RPS6KC1: variants seen among roughly 807,000 people sequenced by gnomAD.
The protein encoded by RPS6KC1 is inactive ribosomal protein S6 kinase delta-1.
Under a neutral mutation model 103.8 loss-of-function variants are expected in RPS6KC1, and 54 were observed. The observed-to-expected ratio is 0.52, with a 90% CI of 0.42 to 0.65. The LOEUF (loss-of-function observed/expected upper bound fraction) is 0.65. Among genes scored for constraint, RPS6KC1 ranks in the 30% least tolerant of loss-of-function variants. The pLI, the probability that RPS6KC1 is intolerant of heterozygous loss-of-function variation, is 0.00. For missense variants in RPS6KC1, 1,151 were observed against 1,253.8 expected, an observed-to-expected ratio of 0.92 and a Z score of 1.24; for synonymous variants, 439 against 438.7, an observed-to-expected ratio of 1.00 and a Z score of -0.01.
chr1:213,567,131 AC>A, the RPS6KC1 span, among the ~76,000 whole-genome samples: 1 of 152,220 alleles, frequency 6.6e-6, no homozygotes, highest in African/African-American at 2.4e-5. Flanking sequence ...ATATGCATCT[AC>A]AGTAAAGTTG....
chr1:213,072,519 G>A (rs1461876507), intron 2 of RPS6KC1, among the ~76,000 whole-genome samples: 1 of 150,234 alleles, frequency 6.7e-6, no homozygotes, highest in Non-Finnish European at 1.5e-5. Flanking sequence ...CTGCACTCCA[G>A]CCTGAGCAAC....
At chr1:213,782,395 T>A in the RPS6KC1 span, among the ~76,000 whole-genome samples, 1 of 151,972 alleles carries the variant, frequency 6.6e-6, no homozygotes, top group African/African-American at 2.4e-5. Context: ...GTTGCCTCTG[T>A]TAACCTGGGT....
At chr1:213,674,194 T>C in the RPS6KC1 span, among the ~76,000 whole-genome samples, 13 of 152,302 alleles carry the variant, frequency 8.5e-5, no homozygotes, top group African/African-American at 2.6e-4. Context: ...ACTTTTTGTA[T>C]TTTTAGTGGA....
chr1:213,710,841 G>A, the RPS6KC1 span, among the ~76,000 whole-genome samples: 1 of 152,102 alleles, frequency 6.6e-6, no homozygotes. Flanking sequence ...TTGAAAATTG[G>A]CCCCCACTCT....
the RPS6KC1 span, among the ~76,000 whole-genome samples, chr1:213,848,986 G>T: frequency 6.6e-6 from 1 of 152,088 alleles, no homozygotes; most frequent in Non-Finnish European, 1.5e-5. Context: ...GTCATTACTG[G>T]GCTGGCCACA....
the RPS6KC1 span, among the ~76,000 whole-genome samples, chr1:213,356,864 T>G: frequency 3.9e-5 from 6 of 152,126 alleles, no homozygotes; most frequent in Non-Finnish European, 8.8e-5. Flanking sequence ...TTCTCAAAAC[T>G]TGTCTTTAGG....
At chr1:213,355,322 G>A in the RPS6KC1 span, among the ~76,000 whole-genome samples, 10 of 152,174 alleles carry the variant, frequency 6.6e-5, no homozygotes, top group Non-Finnish European at 1.3e-4. Context: ...ATGTACAAGG[G>A]CGTGTCATTT....
intron 8 of RPS6KC1, among the ~76,000 whole-genome samples, chr1:213,213,865 C>T (rs904653871): frequency 6.6e-6 from 1 of 152,218 alleles, no homozygotes; most frequent in Non-Finnish European, 1.5e-5. Context: ...CAATGACAAA[C>T]TATGATTTTT....
intron 8 of RPS6KC1, among the ~76,000 whole-genome samples, chr1:213,179,061 A>G (rs564827882): frequency 1.3e-5 from 2 of 152,190 alleles, no homozygotes; most frequent in African/African-American, 4.8e-5. Flanking sequence ...TATTTGGGGA[A>G]TTAAGAAGCT....
chr1:213,598,120 G>A, the RPS6KC1 span, among the ~76,000 whole-genome samples: 1 of 152,258 alleles, frequency 6.6e-6, no homozygotes, highest in East Asian at 1.9e-4. Context: ...AATCTCACCA[G>A]CCCCAGGAGA....
chr1:213,564,491 G>A, the RPS6KC1 span, among the ~76,000 whole-genome samples: 1 of 152,192 alleles, frequency 6.6e-6, no homozygotes, highest in Non-Finnish European at 1.5e-5. Context: ...GTTCAGCAAT[G>A]AGCAGATCAG....
At chr1:213,800,810 G>T in the RPS6KC1 span, among the ~76,000 whole-genome samples, 7 of 152,066 alleles carry the variant, frequency 4.6e-5, no homozygotes, top group African/African-American at 1.7e-4. Context: ...ATCTACTATG[G>T]TGTGAGGTGA....
At chr1:213,437,528 A>G in the RPS6KC1 span, among the ~76,000 whole-genome samples, 6 of 152,042 alleles carry the variant, frequency 3.9e-5, no homozygotes, top group Non-Finnish European at 7.4e-5. Flanking sequence ...ATAAGCTTCA[A>G]AAAGTTGATG....
At chr1:213,544,820 C>A in the RPS6KC1 span, among the ~76,000 whole-genome samples, 1 of 152,156 alleles carries the variant, frequency 6.6e-6, no homozygotes, top group Non-Finnish European at 1.5e-5. Context: ...CTCCTTTGGC[C>A]TCCTCTCTCA....
At position 213,224,402 on chromosome 1, in the gene RPS6KC1, C is replaced by T. The variant is rs539360252; in HGVS notation, c.1045-6095C>T. On this transcript the variant is annotated intron_variant, in intron 8 of 14. Coordinates refer to ENST00000366960, the MANE Select transcript of RPS6KC1 (RefSeq NM_012424.6). ...TTCCCCCAGTTAGGAGCAGTTATTTCATGTATTAGTATGGGCAAAGATGAA... is the reference window on the plus strand; with the variant it reads ...TTCCCCCAGTTAGGAGCAGTTATTTTATGTATTAGTATGGGCAAAGATGAA... Among the ~76,000 whole-genome samples, 7 of 152,130 alleles carry T rather than the reference C, an allele frequency of 4.6e-5. No homozygotes were observed. In the South Asian group the frequency reaches 1.5e-3, roughly 32 times the overall value.
intron 1 of RPS6KC1, among the ~76,000 whole-genome samples, chr1:213,053,940 AT>A (rs750194384): frequency 7.3e-5 from 11 of 151,354 alleles, no homozygotes; most frequent in Non-Finnish European, 1.3e-4. Context: ...GGTTCAAGTG[AT>A]TCTCCTGTCT....
chr1:213,224,606 C>T (rs1347815339), intron 8 of RPS6KC1, among the ~76,000 whole-genome samples: 2 of 152,000 alleles, frequency 1.3e-5, no homozygotes, highest in African/African-American at 4.8e-5. Context: ...GTTTTAGGAG[C>T]CTTTTATTGG....
At chr1:213,387,203 G>A in the RPS6KC1 span, among the ~76,000 whole-genome samples, 1 of 152,208 alleles carries the variant, frequency 6.6e-6, no homozygotes, top group Non-Finnish European at 1.5e-5. Context: ...TCTGTAGCAG[G>A]GTTGCTGGAG....
chr1:213,292,795 C>T, the RPS6KC1 span, among the ~76,000 whole-genome samples: 2,633 of 152,222 alleles, frequency 0.017, 38 homozygotes, highest in Non-Finnish European at 0.027. Flanking sequence ...AAACTATGAT[C>T]GGGTAATTGT....
Sources: gnomAD v4.1 joint callset for allele counts (sites outside exome capture counted in the v4.1 genomes callset) on GRCh38, gnomAD v4.1.1 for gene constraint, MANE v1.5 for transcripts, NCBI Gene and HGNC (gene_info 2026-07-23, HGNC 2026-07-21) for gene names.